Variants in TBX10 observed in about 807,000 individuals in gnomAD.
TBX10 encodes the protein T-box transcription factor TBX10.
TBX10 carries 26 observed loss-of-function variants against 32.4 expected under a neutral mutation model. The observed-to-expected ratio is 0.80, with a 90% CI of 0.59 to 1.11. The LOEUF (loss-of-function observed/expected upper bound fraction) is 1.11. Ranked by LOEUF, TBX10 falls within the 50% of genes most tolerant of loss-of-function variation. The probability of loss-of-function intolerance (pLI) is 0.00; values close to 1 mark genes in which losing one functional copy is unlikely to be tolerated. For missense variants in TBX10, 490 were observed against 494.5 expected, an observed-to-expected ratio of 0.99 and a Z score of 0.09; for synonymous variants, 195 against 203.1, an observed-to-expected ratio of 0.96 and a Z score of 0.34.
At position 67,631,425 on chromosome 11, in the gene TBX10, C is replaced by T; in HGVS notation, c.*180G>A. On this transcript the variant is annotated 3_prime_UTR_variant, in exon 8 of 8. Coordinates refer to ENST00000335385, the MANE Select transcript of TBX10 (RefSeq NM_005995.5). ...GGGTTGGGAGATAGAAGTCCTGGTT[C>T]CAAGCTTGCCATGGTCCCAGCCTTG... The T allele has an allele frequency of 2.6e-6, 2 of 762,220 alleles. No individual in the cohort carries two copies. Among genetic ancestry groups the T allele is most frequent in the Non-Finnish European group, 4.1e-6 (2 of 482,566 alleles). The allele number at this position is 762,220 out of a possible 1,614,324, so 47.2% of individuals were successfully genotyped here. A position where few individuals can be genotyped will look rare whatever the true frequency, so the allele number is the denominator to read the frequency against.
At position 67,631,572 on chromosome 11, in the gene TBX10, G is replaced by A; in HGVS notation, c.*33C>T. ...ATTCCCACACCCGGTGTAAGGTCCAGGGTAGCAGGGCTTCCCCCCAGGGCT... is the reference window on the plus strand; with the variant it reads ...ATTCCCACACCCGGTGTAAGGTCCAAGGTAGCAGGGCTTCCCCCCAGGGCT... On this transcript the variant is annotated 3_prime_UTR_variant, in exon 8 of 8. Transcript: ENST00000335385. 2 of 1,573,280 alleles carry A rather than the reference G, an allele frequency of 1.3e-6. No homozygotes were observed. Among genetic ancestry groups the A allele is most frequent in the Non-Finnish European group, 1.7e-6 (2 of 1,167,010 alleles).
Position 67,631,606 on chromosome 11 carries a change from C to T in TBX10, c.1157G>A (p.Ter386=). 1 of 1,594,376 alleles carries T rather than the reference C, an allele frequency of 6.3e-7. No individual in the cohort carries two copies. Among genetic ancestry groups the T allele is most frequent in the East Asian group, 2.2e-5 (1 of 44,510 alleles). The part of the protein sequence containing the change: ...VCLGPGQDSQ[*] ...GGCTTCCCCCCAGGGCTTCTGGCATCACTGGGAGTCCTGGCCAGGCCCCAG... is the reference window on the plus strand; with the variant it reads ...GGCTTCCCCCCAGGGCTTCTGGCATTACTGGGAGTCCTGGCCAGGCCCCAG... Residue 386 remains the stop codon, a stop_retained_variant, in exon 8 of 8, where the codon TGA becomes TAA. Coordinates refer to ENST00000335385, the MANE Select transcript of TBX10 (RefSeq NM_005995.5).
At chr11:67,641,006 TTGGAGTTGCTGCCAGGCAAGA>T (rs1855396603), upstream of TBX10, among the ~76,000 whole-genome samples, 1 of 151,872 alleles carries the variant, frequency 6.6e-6, no homozygotes, top group Non-Finnish European at 1.5e-5. Context: ...TGCCAGCACT[TTGGAGTTGCTGCCAGGCAAGA>T]TGGGAGTGCT....
intron 4 of TBX10, 141 bp downstream of exon 4, chr11:67,634,048 T>G: frequency 3.5e-5 from 35 of 1,005,102 alleles, no homozygotes; most frequent in Non-Finnish European, 4.5e-5. Context: ...CCCAGCCAGG[T>G]GAGCTCGCCA....
rs1245732880 is a variant in TBX10, at chr11:67,635,088, A to C, written c.183T>G (p.Arg61=). 1 of 1,613,718 alleles carries C rather than the reference A, an allele frequency of 6.2e-7. No homozygotes were observed. Among genetic ancestry groups the C allele is most frequent in the Admixed American group, 1.7e-5 (1 of 60,010 alleles). The change falls in exon 2 of 8, where the codon CGT becomes CGG. Residue 61 remains arginine (R), a synonymous_variant. Transcript: ENST00000335385. The stretch of plus-strand genomic sequence containing the variant: ...CCAGCTGAACTGTCACTCTGGACAC[A>C]CGTGGGTTCTTGGGGCCCTGCCCAG... ...EPTGQGPKNP[R]VSRVTVQLEM... is the part of the protein sequence containing the mutation.
chr11:67,639,598 C>T lies in TBX10; in HGVS notation c.-126G>A. ...TCAGCTCAGCCCTCAGGTGCTCACA[C>T]AAGCTGTAGTCTCTCGGCAGGACGG... is the stretch of plus-strand genomic sequence containing the variant. On this transcript the variant is annotated 5_prime_UTR_variant, in exon 1 of 8. In the 5' UTR this introduces an upstream ATG that the reference lacks. Transcript: ENST00000335385. The T allele has an allele frequency of 7.8e-7, 1 of 1,276,728 alleles. No homozygotes were observed. Among genetic ancestry groups the T allele is most frequent in the East Asian group, 2.5e-5 (1 of 40,808 alleles). The allele number at this position is 1,276,728 out of a possible 1,614,324, so 79.1% of individuals were successfully genotyped here. A position where few individuals can be genotyped will look rare whatever the true frequency, so the allele number is the denominator to read the frequency against.
intron 4 of TBX10, 46 bp downstream of exon 4, chr11:67,634,143 G>C: frequency 6.2e-7 from 1 of 1,606,282 alleles, no homozygotes; most frequent in Non-Finnish European, 8.5e-7. Context: ...GTCCCTACCA[G>C]CCCTGACCCC....
rs1481608094 is a variant in TBX10, at chr11:67,631,945, T to C, written c.869-51A>G. 3 of 1,551,282 alleles carry C rather than the reference T, an allele frequency of 1.9e-6. 1 individual carries two copies. The highest frequency in any genetic ancestry group is 3.5e-4 in the Middle Eastern group (2 of 5,724). On this transcript the variant is annotated intron_variant, in intron 7 of 7. Transcript: ENST00000335385. The stretch of plus-strand genomic sequence containing the variant: ...GGGCCTCCCATCGCATCCTCATCCC[T>C]CATCCCAGGCCTGCCCTGGTCCCTT...
chr11:67,641,015 C>G (rs543052019), upstream of TBX10, among the ~76,000 whole-genome samples: 1 of 152,250 alleles, frequency 6.6e-6, no homozygotes, highest in South Asian at 2.1e-4. Context: ...TTTGGAGTTG[C>G]TGCCAGGCAA....
Position 67,634,812 on chromosome 11 carries a change from G to A in TBX10, c.377+4C>T, listed in dbSNP as rs778542243. On this transcript the variant is annotated splice_donor_region_variant and intron_variant, in intron 3 of 7. Coordinates refer to ENST00000335385, the MANE Select transcript of TBX10 (RefSeq NM_005995.5). ...GAGCCTTTGCCCCAGGCCGGTCCCC[G>A]CACCTGTATCTCTTGTCGTCCAGGG... The A allele has an allele frequency of 8.1e-6, 13 of 1,613,078 alleles. No homozygotes were observed. Among genetic ancestry groups the A allele is most frequent in the Admixed American group, 3.3e-5 (2 of 60,000 alleles).
At chr11:67,633,733 C>T (rs1347971628) in intron 4 of TBX10, among the ~76,000 whole-genome samples, 2 of 152,238 alleles carry the variant, frequency 1.3e-5, no homozygotes, top group African/African-American at 2.4e-5. Context: ...GCAGCAGCAC[C>T]CTTTCTCCGC....
rs1228255645 is a variant in TBX10 at position 67,632,305 on chromosome 11, C to T, written c.868+13G>A. 1 of 1,613,152 alleles carries T rather than the reference C, an allele frequency of 6.2e-7. No individual in the cohort carries two copies. On this transcript the variant is annotated intron_variant, in intron 7 of 7. Transcript: ENST00000335385. ...ACCTTAGTCCCACTATGTCTGCAGG[C>T]CTGGGGCCTTACCTTTCTCCCTGTC...
chr11:67,632,698 C>T (rs760997709), intron 5 of TBX10, 28 bp from the exon 6 acceptor site: 1 of 1,613,364 alleles, frequency 6.2e-7, no homozygotes, highest in Non-Finnish European at 8.5e-7. Context: ...CAGTTGTGGG[C>T]TGGCCATGAG....
chr11:67,639,238 G>A (rs1196858617), intron 1 of TBX10, among the ~76,000 whole-genome samples: 2 of 152,196 alleles, frequency 1.3e-5, no homozygotes, highest in Non-Finnish European at 2.9e-5. Flanking sequence ...GCCCAGTGAG[G>A]CGCTCATCTC....
rs764900930 is a variant in TBX10, at chr11:67,631,716, G to A, written c.1047C>T (p.Pro349=). The change falls in exon 8 of 8, where the codon CCC becomes CCT. Residue 349 remains proline (P), a synonymous_variant. Transcript: ENST00000335385. ...GIPRTRPAPY[P]LPNIRADRDQ... is the part of the protein sequence containing the mutation. ...CCCTATCAGCCCGGATGTTGGGGAGGGGGTATGGTGCTGGTCGGGTCCTTG... is the reference window on the plus strand; with the variant it reads ...CCCTATCAGCCCGGATGTTGGGGAGAGGGTATGGTGCTGGTCGGGTCCTTG... The A allele has an allele frequency of 2.9e-5, 46 of 1,609,950 alleles. No individual in the cohort carries two copies. The highest frequency in any genetic ancestry group is 1.1e-4 in the African/African-American group (8 of 74,876).
At chr11:67,635,382 C>T (rs1276081765) in intron 1 of TBX10, 119 bp from the exon 2 acceptor site, 2 of 1,401,606 alleles carry the variant, frequency 1.4e-6, no homozygotes, top group African/African-American at 1.4e-5. Context: ...GGGCTGTGTT[C>T]TCACAGGATC....
At chr11:67,632,525 G>A in intron 6 of TBX10, 78 bp downstream of exon 6, 1 of 1,584,006 alleles carries the variant, frequency 6.3e-7, no homozygotes, top group Non-Finnish European at 8.7e-7. Flanking sequence ...GTGTGACCCT[G>A]AAACAAGGGT....
chr11:67,634,081 G>T, intron 4 of TBX10, 108 bp downstream of exon 4: 1 of 1,507,756 alleles, frequency 6.6e-7, no homozygotes, highest in Non-Finnish European at 9.1e-7. Context: ...GCCCTGCCTT[G>T]ACCATCAGCA....
chr11:67,640,961 G>A (rs1020373632), upstream of TBX10, among the ~76,000 whole-genome samples: 12 of 152,304 alleles, frequency 7.9e-5, no homozygotes, highest in Middle Eastern at 3.4e-3. Flanking sequence ...GCCGGCCCCT[G>A]GCCCAACCCC....
Sources: allele counts gnomAD v4.1 joint callset (sites outside exome capture counted in the v4.1 genomes callset), GRCh38; gene constraint gnomAD v4.1.1; transcripts MANE v1.5; gene names NCBI Gene and HGNC (gene_info 2026-07-23, HGNC 2026-07-21).